The following KAZN variants were observed in gnomAD, a reference collection of about 807,000 sequenced individuals.
KAZN encodes kazrin, periplakin interacting protein, also known as kazrin.
Under a neutral mutation model 87.4 loss-of-function variants are expected in KAZN, and 40 were observed. The ratio of observed to expected loss-of-function variants is 0.46; its 90% CI spans 0.36 to 0.60. KAZN has a LOEUF of 0.60. KAZN is among the 20% of genes least tolerant of loss of function. KAZN has a pLI of 0.00. For synonymous variants in KAZN, 466 were observed against 458.3 expected, an observed-to-expected ratio of 1.02 and a Z score of -0.22; for missense variants, 898 against 1,073.9, an observed-to-expected ratio of 0.84 and a Z score of 2.29.
intron 2 of KAZN, among the ~76,000 whole-genome samples, chr1:14,450,127 C>CT (rs1667190903): frequency 6.6e-6 from 1 of 152,134 alleles, no homozygotes. Context: ...GCTGCCCCCC[C>CT]GCCTGCAGTC....
intron 1 of KAZN, among the ~76,000 whole-genome samples, chr1:14,731,463 A>C (rs1240333155): frequency 2.0e-5 from 3 of 152,174 alleles, no homozygotes; most frequent in African/African-American, 7.2e-5. Flanking sequence ...CACCCTTGGA[A>C]CTTTTTTGGT....
At chr1:14,782,207 C>T (rs1313379854) in intron 1 of KAZN, among the ~76,000 whole-genome samples, 3 of 152,110 alleles carry the variant, frequency 2.0e-5, no homozygotes, top group East Asian at 1.9e-4. Flanking sequence ...ATATATTGAT[C>T]GATAAGTGAG....
At chr1:14,601,126 G>A (rs1285651617) in intron 1 of KAZN, among the ~76,000 whole-genome samples, 1 of 152,198 alleles carries the variant, frequency 6.6e-6, no homozygotes, top group African/African-American at 2.4e-5. Context: ...TCAGGACTGT[G>A]CCTGCCCATG....
At chr1:14,347,338 A>G (rs571505257) in intron 2 of KAZN, among the ~76,000 whole-genome samples, 1 of 152,268 alleles carries the variant, frequency 6.6e-6, no homozygotes, top group African/African-American at 2.4e-5. Flanking sequence ...AGCTACTCCA[A>G]TCAGACCTCT....
At chr1:14,440,207 T>C (rs907929220) in intron 2 of KAZN, among the ~76,000 whole-genome samples, 5 of 152,224 alleles carry the variant, frequency 3.3e-5, no homozygotes, top group African/African-American at 1.2e-4. Flanking sequence ...TGTGCACTAA[T>C]GACCATGACT....
chr1:14,337,147 G>A (rs1485906570), intron 2 of KAZN, among the ~76,000 whole-genome samples: 1 of 152,242 alleles, frequency 6.6e-6, no homozygotes, highest in Non-Finnish European at 1.5e-5. Flanking sequence ...ACTTAGCACA[G>A]AGTAAATGCC....
chr1:14,313,543 T>A (rs1655451050), intron 2 of KAZN, among the ~76,000 whole-genome samples: 2 of 152,184 alleles, frequency 1.3e-5, no homozygotes, highest in Non-Finnish European at 2.9e-5. Flanking sequence ...CTTAAAGTGA[T>A]CCTTTAATAA....
At chr1:14,239,175 T>C (rs1273627467) in intron 2 of KAZN, among the ~76,000 whole-genome samples, 2 of 152,234 alleles carry the variant, frequency 1.3e-5, no homozygotes, top group Non-Finnish European at 2.9e-5. Context: ...TTTGTTTTAA[T>C]ATAGCATTGA....
chr1:14,144,270 C>T (rs2101776683), intron 1 of KAZN, among the ~76,000 whole-genome samples: 1 of 152,238 alleles, frequency 6.6e-6, no homozygotes, highest in Middle Eastern at 3.4e-3. Context: ...GCGTTAGATC[C>T]CTTGTTTCCA....
chr1:14,676,786 G>A (rs551189149), intron 1 of KAZN, among the ~76,000 whole-genome samples: 2 of 152,316 alleles, frequency 1.3e-5, no homozygotes, highest in East Asian at 1.9e-4. Context: ...GTGGGTGCCA[G>A]GAGCTATGGG....
intron 1 of KAZN, among the ~76,000 whole-genome samples, chr1:14,921,964 G>A (rs533147155): frequency 6.6e-6 from 1 of 152,150 alleles, no homozygotes; most frequent in Non-Finnish European, 1.5e-5. Flanking sequence ...CACCCTCTTC[G>A]GCCTCCCAAA....
chr1:15,070,474 G>A (rs1394331986), intron 8 of KAZN, among the ~76,000 whole-genome samples: 1 of 152,170 alleles, frequency 6.6e-6, no homozygotes, highest in African/African-American at 2.4e-5. Context: ...TGCAGATCCT[G>A]AGGGGTAGTG....
At chr1:13,935,277 A>G (rs1396408152) in intron 1 of KAZN, among the ~76,000 whole-genome samples, 1 of 48,988 alleles carries the variant, frequency 2.0e-5, no homozygotes, top group African/African-American at 7.1e-5. Context: ...ATAAGCCTTC[A>G]GTACTGACTA....
chr1:14,350,293 T>C (rs1658442819), intron 2 of KAZN, among the ~76,000 whole-genome samples: 1 of 152,070 alleles, frequency 6.6e-6, no homozygotes. Context: ...ACCCATGACC[T>C]TGGGAAAGCT....
At chr1:14,907,905 C>T (rs1385960837) in intron 1 of KAZN, among the ~76,000 whole-genome samples, 1 of 152,190 alleles carries the variant, frequency 6.6e-6, no homozygotes, top group African/African-American at 2.4e-5. Context: ...AGGGAAAATC[C>T]CTGGCTCCCT....
intron 1 of KAZN, among the ~76,000 whole-genome samples, chr1:14,793,707 C>G (rs1645748533): frequency 6.6e-6 from 1 of 152,004 alleles, no homozygotes; most frequent in Non-Finnish European, 1.5e-5. Flanking sequence ...CAGATCAGAA[C>G]AGGGCCTAGT....
intron 2 of KAZN, among the ~76,000 whole-genome samples, chr1:14,989,879 A>G (rs1477534102): frequency 6.6e-6 from 1 of 152,206 alleles, no homozygotes; most frequent in Non-Finnish European, 1.5e-5. Flanking sequence ...AGACGAGAGC[A>G]AGTGGTGCTG....
intron 1 of KAZN, among the ~76,000 whole-genome samples, chr1:13,968,574 T>A (rs562992706): frequency 7.9e-5 from 12 of 152,210 alleles, no homozygotes; most frequent in Non-Finnish European, 1.8e-4. Context: ...CTGTCTTGAA[T>A]CACTTCCGGT....
At chr1:14,858,530 T>G (rs982005009) in intron 1 of KAZN, among the ~76,000 whole-genome samples, 9 of 152,182 alleles carry the variant, frequency 5.9e-5, no homozygotes, top group Non-Finnish European at 1.0e-4. Context: ...CACATTTCGT[T>G]TATCCATTCA....
Sources: allele counts gnomAD v4.1 joint callset (sites outside exome capture counted in the v4.1 genomes callset), GRCh38; gene constraint gnomAD v4.1.1; transcripts MANE v1.5; gene names NCBI Gene and HGNC (gene_info 2026-07-23, HGNC 2026-07-21).